The following AGBL4 variants were observed in gnomAD, a reference collection of about 807,000 sequenced individuals.
The protein encoded by AGBL4 is AGBL carboxypeptidase 4.
In AGBL4, 58 loss-of-function variants were observed where a neutral mutation model predicts 66.4. That is an observed-to-expected ratio of 0.87 (90% CI 0.71 to 1.09). AGBL4 has a LOEUF of 1.09. Among genes scored for constraint, AGBL4 ranks in the 50% least tolerant of loss-of-function variants. AGBL4 has a pLI of 0.00. For missense variants in AGBL4, 579 were observed against 631.0 expected, an observed-to-expected ratio of 0.92 and a Z score of 0.88; for synonymous variants, 234 against 222.9, an observed-to-expected ratio of 1.05 and a Z score of -0.44.
At chr1:48,977,815 T>C (rs1359148116) in intron 5 of AGBL4, among the ~76,000 whole-genome samples, 1 of 152,174 alleles carries the variant, frequency 6.6e-6, no homozygotes, top group African/African-American at 2.4e-5. Flanking sequence ...CCCAGAGGAT[T>C]ATCTGCGAAG....
chr1:49,241,356 G>T (rs1157600143), intron 4 of AGBL4, among the ~76,000 whole-genome samples: 1 of 151,866 alleles, frequency 6.6e-6, no homozygotes, highest in Non-Finnish European at 1.5e-5. Context: ...AATTATGTTG[G>T]CCTTTTCTCA....
rs145563666 is a variant in AGBL4 at position 49,310,437 on chromosome 1, A to C, written c.283-64573T>G. ...GTTTGGACTAGGGAAGCATCGGTGG[A>C]AAAGCTAACTGGATTTTCTAAAAAA... is the stretch of plus-strand genomic sequence containing the variant. On this transcript the variant is annotated intron_variant, in intron 3 of 13. Transcript: ENST00000371839. 3.0e-3 allele frequency among the ~76,000 whole-genome samples: 453 copies of C among 152,202 alleles called. 1 individual carries two copies. Among genetic ancestry groups the C allele is most frequent in the South Asian group, 8.9e-3 (43 of 4,824 alleles).
rs962534957 is a variant in AGBL4, at chr1:48,952,890, A to G, written c.595-85660T>C. Among the ~76,000 whole-genome samples, 45 of 152,072 alleles carry G rather than the reference A, an allele frequency of 3.0e-4. 1 individual carries two copies. The highest frequency in any genetic ancestry group is 1.0e-3 in the African/African-American group (43 of 41,490). On this transcript the variant is annotated intron_variant, in intron 5 of 13. Transcript: ENST00000371839. ...TTTTTTTTTTAGCTCATCAGCTATCATTAGTGTTAGTGCATTTTATGTGTG... is the reference window on the plus strand; with the variant it reads ...TTTTTTTTTTAGCTCATCAGCTATCGTTAGTGTTAGTGCATTTTATGTGTG...
chr1:49,106,790 T>C (rs1645301252), intron 4 of AGBL4, among the ~76,000 whole-genome samples: 1 of 152,192 alleles, frequency 6.6e-6, no homozygotes, highest in Non-Finnish European at 1.5e-5. Context: ...TTAAATTCTA[T>C]GAAAGACCTT....
chr1:49,971,916 T>TTTTTTTTTTTTTTTTC (rs1658143684), intron 1 of AGBL4, among the ~76,000 whole-genome samples: 1 of 96,550 alleles, frequency 1.0e-5, no homozygotes, highest in Non-Finnish European at 2.2e-5. Flanking sequence ...GGTTTTTTTT[T>TTTTTTTTTTTTTTTTC]TTTTTTTTTT....
intron 3 of AGBL4, among the ~76,000 whole-genome samples, chr1:49,458,486 T>C (rs1289750879): frequency 1.3e-5 from 2 of 151,686 alleles, no homozygotes; most frequent in African/African-American, 2.4e-5. Context: ...TATACAATCA[T>C]ATTATCAGCA....
intron 3 of AGBL4, among the ~76,000 whole-genome samples, chr1:49,589,420 T>C (rs1485554929): frequency 6.6e-6 from 1 of 152,072 alleles, no homozygotes; most frequent in Non-Finnish European, 1.5e-5. Context: ...CATAGCTGTC[T>C]CAATAGACTT....
chr1:49,348,350 G>A (rs1402233772), intron 3 of AGBL4, among the ~76,000 whole-genome samples: 2 of 152,026 alleles, frequency 1.3e-5, no homozygotes, highest in East Asian at 1.9e-4. Flanking sequence ...CCCGGGAGGC[G>A]GAGCTTTCAG....
rs1036604484 is a variant in AGBL4 at position 49,334,403 on chromosome 1, A to G, written c.283-88539T>C. Among the ~76,000 whole-genome samples, 3 of 152,194 alleles carry G rather than the reference A, an allele frequency of 2.0e-5. No individual in the cohort carries two copies. In the South Asian group the frequency reaches 6.2e-4, roughly 32 times the overall value. On this transcript the variant is annotated intron_variant, in intron 3 of 13. Coordinates refer to ENST00000371839, the MANE Select transcript of AGBL4 (RefSeq NM_032785.4). ...TGAAAATATTCATACGCATTGACTC[A>G]TGACACTTCAAGAAATCATACTCAA...
chr1:48,761,445 A>G (rs1265044870), intron 6 of AGBL4: 7 of 1,551,072 alleles, frequency 4.5e-6, no homozygotes, highest in Non-Finnish European at 6.1e-6. Context: ...TCTGCATCAC[A>G]CTGTTTTCAA....
chr1:48,557,391 G>A (rs1644336341), intron 11 of AGBL4, among the ~76,000 whole-genome samples: 1 of 152,102 alleles, frequency 6.6e-6, no homozygotes, highest in Non-Finnish European at 1.5e-5. Flanking sequence ...AGCAGGGGTG[G>A]GTATGGAGGC....
chr1:48,671,509 C>G (rs1229889431), intron 6 of AGBL4, among the ~76,000 whole-genome samples: 2 of 152,186 alleles, frequency 1.3e-5, no homozygotes, highest in Admixed American at 6.5e-5. Flanking sequence ...GCCACAGGTA[C>G]GTATGTGACT....
intron 3 of AGBL4, among the ~76,000 whole-genome samples, chr1:49,259,485 A>G (rs1309190496): frequency 6.6e-6 from 1 of 151,158 alleles, no homozygotes; most frequent in Non-Finnish European, 1.5e-5. Flanking sequence ...ATGGAAAACA[A>G]AAAAAGGCAA....
intron 1 of AGBL4, among the ~76,000 whole-genome samples, chr1:49,990,233 G>A (rs1477740354): frequency 6.6e-6 from 1 of 152,130 alleles, no homozygotes; most frequent in Non-Finnish European, 1.5e-5. Flanking sequence ...CATTTAATAT[G>A]GTTAGGCTTT....
intron 6 of AGBL4, among the ~76,000 whole-genome samples, chr1:48,752,468 G>A (rs1651898995): frequency 6.6e-6 from 1 of 152,198 alleles, no homozygotes; most frequent in South Asian, 2.1e-4. Context: ...TTGAAATCAA[G>A]TCCAGGCATG....
intron 1 of AGBL4, among the ~76,000 whole-genome samples, chr1:49,950,210 AC>A (rs1243059931): frequency 6.7e-6 from 1 of 149,090 alleles, no homozygotes; most frequent in African/African-American, 2.5e-5. Flanking sequence ...ATATATGAAT[AC>A]TACTCTGCCA....
At chr1:49,757,761 T>C (rs935673040) in intron 2 of AGBL4, among the ~76,000 whole-genome samples, 2 of 152,178 alleles carry the variant, frequency 1.3e-5, no homozygotes, top group African/African-American at 2.4e-5. Flanking sequence ...AAGAAATTTC[T>C]AAGCAGCAAA....
At chr1:49,092,919 C>G (rs1460821411) in intron 4 of AGBL4, among the ~76,000 whole-genome samples, 1 of 152,024 alleles carries the variant, frequency 6.6e-6, no homozygotes, top group African/African-American at 2.4e-5. Context: ...GTAAAGGAGG[C>G]CTTTTGTGAA....
chr1:48,766,101 A>G (rs1210020085), intron 6 of AGBL4, among the ~76,000 whole-genome samples: 1 of 152,240 alleles, frequency 6.6e-6, no homozygotes, highest in African/African-American at 2.4e-5. Context: ...ATACCTCAAT[A>G]AAAAATTAGG....
Sources: gnomAD v4.1 joint callset for allele counts (sites outside exome capture counted in the v4.1 genomes callset) on GRCh38, gnomAD v4.1.1 for gene constraint, MANE v1.5 for transcripts, NCBI Gene and HGNC (gene_info 2026-07-23, HGNC 2026-07-21) for gene names.